The following SLC22A23 variants were observed in gnomAD, a reference collection of about 807,000 sequenced individuals.
SLC22A23 encodes the protein ion transporter protein.
In SLC22A23, 26 loss-of-function variants were observed where a neutral mutation model predicts 61.0. The ratio of observed to expected loss-of-function variants is 0.43; its 90% CI spans 0.31 to 0.59. The LOEUF is 0.59. SLC22A23 is among the 20% of genes least tolerant of loss of function. SLC22A23 has a pLI of 0.11. For missense variants in SLC22A23, 796 were observed against 934.7 expected (o/e 0.85, Z 1.94); for synonymous variants, 430 against 413.9 (o/e 1.04, Z -0.47).
chr6:3,289,249 C>T lies in SLC22A23; in HGVS notation c.1313+515G>A, dbSNP rs116729250. Reference sequence around the variant, plus strand: ...CCCAGCCCCTGCAGGACCCAGCAGGCGGGGCGACCTGGGCCGGTGAGGGCC... The same window carrying T: ...CCCAGCCCCTGCAGGACCCAGCAGGTGGGGCGACCTGGGCCGGTGAGGGCC... On this transcript the variant is annotated intron_variant, in intron 6 of 9. Coordinates refer to ENST00000406686, the MANE Select transcript of SLC22A23 (RefSeq NM_015482.2). Among the ~76,000 whole-genome samples the T allele has an allele frequency of 6.0e-3, 907 of 152,338 alleles. 2 individuals carry two copies. The highest frequency in any genetic ancestry group is 9.0e-3 in the Non-Finnish European group (610 of 68,024).
chr6:3,288,800 T>TGTGGCC (rs1432978043), intron 6 of SLC22A23, among the ~76,000 whole-genome samples: 3 of 152,216 alleles, frequency 2.0e-5, no homozygotes, highest in Non-Finnish European at 4.4e-5. Context: ...CTTGGCCTGA[T>TGTGGCC]GTGGCCGTGG....
At chr6:3,353,841 G>C (rs1181361121) in intron 3 of SLC22A23, among the ~76,000 whole-genome samples, 1 of 152,148 alleles carries the variant, frequency 6.6e-6, no homozygotes, top group East Asian at 1.9e-4. Flanking sequence ...TCTACCACCA[G>C]TGTTTCCCAG....
chr6:3,300,649 G>C (rs1761532755), intron 4 of SLC22A23, among the ~76,000 whole-genome samples: 1 of 152,218 alleles, frequency 6.6e-6, no homozygotes, highest in Non-Finnish European at 1.5e-5. Context: ...TGTTGTAGCA[G>C]CAGGAACAGA....
chr6:3,391,278 G>A (rs1767644574), intron 3 of SLC22A23, among the ~76,000 whole-genome samples: 1 of 152,194 alleles, frequency 6.6e-6, no homozygotes, highest in Non-Finnish European at 1.5e-5. Flanking sequence ...TGTAGGATGT[G>A]GGTTGAGCAA....
chr6:3,402,430 A>ACAATCACCC (rs1236331817), intron 3 of SLC22A23, among the ~76,000 whole-genome samples: 24 of 35,968 alleles, frequency 6.7e-4, no homozygotes, highest in African/African-American at 2.0e-3. Flanking sequence ...CCCAATCACC[A>ACAATCACCC]ACACTACCCA....
rs73356737 is a variant in SLC22A23 at position 3,352,857 on chromosome 6, T to C, written c.914-28855A>G. 6.6e-3 allele frequency among the ~76,000 whole-genome samples: 1,002 copies of C among 152,262 alleles called. 15 individuals carry two copies. Among genetic ancestry groups the C allele is most frequent in the African/African-American group, 0.023 (966 of 41,564 alleles). On this transcript the variant is annotated intron_variant, in intron 3 of 9. Coordinates refer to ENST00000406686, the MANE Select transcript of SLC22A23 (RefSeq NM_015482.2). ...TTTAGAGACGCTCCCTGGATACGCATGGACAAGCCGCGTGCCCTGCAAACA... is the reference window on the plus strand; with the variant it reads ...TTTAGAGACGCTCCCTGGATACGCACGGACAAGCCGCGTGCCCTGCAAACA...
chr6:3,352,581 T>C (rs1306884419), intron 3 of SLC22A23, among the ~76,000 whole-genome samples: 2 of 152,204 alleles, frequency 1.3e-5, no homozygotes, highest in African/African-American at 4.8e-5. Context: ...GAAAAGGCTC[T>C]GATCTCTGCC....
chr6:3,388,895 G>A (rs1464302366), intron 3 of SLC22A23, among the ~76,000 whole-genome samples: 1 of 152,104 alleles, frequency 6.6e-6, no homozygotes, highest in Admixed American at 6.5e-5. Flanking sequence ...CAGAATGGGG[G>A]TTCCCAGGGG....
At chr6:3,278,337 G>A (rs750953100) in intron 9 of SLC22A23, among the ~76,000 whole-genome samples, 1 of 151,116 alleles carries the variant, frequency 6.6e-6, no homozygotes, top group Non-Finnish European at 1.5e-5. Context: ...TGCAGGAATA[G>A]CCACACCACT....
intron 1 of SLC22A23, among the ~76,000 whole-genome samples, chr6:3,420,215 G>A (rs529430825): frequency 5.7e-4 from 81 of 142,076 alleles, no homozygotes; most frequent in Admixed American, 5.3e-3. Context: ...TAGTTGCTAT[G>A]TGTTCTAGCA....
In SLC22A23 at chr6:3,280,512, T is replaced by TTCC. The variant is rs781526188; in HGVS notation, c.1703+3339_1703+3340insGGA. Among the ~76,000 whole-genome samples, 45 of 98,318 alleles carry TTCC rather than the reference T, an allele frequency of 4.6e-4. 9 individuals are homozygous for TTCC. Among genetic ancestry groups the TTCC allele is most frequent in the Admixed American group, 2.9e-3 (21 of 7,368 alleles). The allele number at this position is 98,318 out of a possible 152,430, so 64.5% of individuals were successfully genotyped here. ...CAACTTTTTTTTTTTTTTTTTTTTT[T>TTCC]TGAGATGGAGTCTCGCTCTGTCGCC... On this transcript the variant is annotated intron_variant, in intron 9 of 9. Coordinates refer to ENST00000406686, the MANE Select transcript of SLC22A23 (RefSeq NM_015482.2).
At chr6:3,284,814 G>T in intron 8 of SLC22A23, 1 of 1,252,170 alleles carries the variant, frequency 8.0e-7, no homozygotes, top group Non-Finnish European at 1.1e-6. Flanking sequence ...GGCCTGTGCT[G>T]AGCCTGGTGC....
chr6:3,431,855 A>C (rs201435032), intron 1 of SLC22A23, among the ~76,000 whole-genome samples: 1 of 152,156 alleles, frequency 6.6e-6, no homozygotes, highest in Admixed American at 6.5e-5. Flanking sequence ...ATTTCCTATG[A>C]GCTTCCATAC....
intron 3 of SLC22A23, among the ~76,000 whole-genome samples, chr6:3,350,234 C>A (rs1197408501): frequency 6.6e-6 from 1 of 152,260 alleles, no homozygotes; most frequent in African/African-American, 2.4e-5. Context: ...TTAACCCAAG[C>A]CCTAATGTGT....
intron 4 of SLC22A23, chr6:3,311,885 AG>A (rs1335833482): frequency 6.6e-6 from 1 of 152,198 alleles, no homozygotes; most frequent in Non-Finnish European, 1.5e-5. Context: ...GCCCTGGGCA[AG>A]TCACCTTATT....
chr6:3,301,440 C>G lies in SLC22A23; in HGVS notation c.1083-3222G>C, dbSNP rs139082559. ...AATATATATAAATACGGTAATATGA[C>G]AGCGCAAGCGATTTCGCAGGTAGTC... is the stretch of plus-strand genomic sequence containing the variant. On this transcript the variant is annotated intron_variant, in intron 4 of 9. Coordinates refer to ENST00000406686, the MANE Select transcript of SLC22A23 (RefSeq NM_015482.2). Among the ~76,000 whole-genome samples the G allele has an allele frequency of 6.6e-5, 10 of 152,320 alleles. No individual in the cohort carries two copies. In the East Asian group the frequency reaches 1.9e-3, roughly 29 times the overall value.
chr6:3,353,483 T>C (rs574721099), intron 3 of SLC22A23, among the ~76,000 whole-genome samples: 1 of 152,202 alleles, frequency 6.6e-6, no homozygotes, highest in Non-Finnish European at 1.5e-5. Context: ...GCCGTGACCC[T>C]CATGCTGGGA....
At chr6:3,398,536 A>G (rs2127495969) in intron 3 of SLC22A23, among the ~76,000 whole-genome samples, 1 of 150,828 alleles carries the variant, frequency 6.6e-6, no homozygotes, top group South Asian at 2.1e-4. Context: ...GCCCTTAATC[A>G]GAGACCCATT....
At chr6:3,436,457 A>C (rs4959834) in intron 1 of SLC22A23, among the ~76,000 whole-genome samples, 55,987 of 151,994 alleles carry the variant, frequency 0.37, 10,578 homozygotes, top group East Asian at 0.47. Context: ...TTTTTAAAGC[A>C]AGTTTGATGC....
Sources: allele counts gnomAD v4.1 joint callset (sites outside exome capture counted in the v4.1 genomes callset), GRCh38; gene constraint gnomAD v4.1.1; transcripts MANE v1.5; gene names NCBI Gene and HGNC (gene_info 2026-07-23, HGNC 2026-07-21).